MB21D2: variants seen among roughly 807,000 people sequenced by gnomAD.
The protein encoded by MB21D2 is nucleotidyltransferase MB21D2.
In MB21D2, 9 loss-of-function variants were observed where a neutral mutation model predicts 33.3. That is an observed-to-expected ratio of 0.27 (90% CI 0.16 to 0.47). MB21D2 has a LOEUF of 0.47. Ranked by LOEUF, MB21D2 falls within the 20% of genes least tolerant of loss-of-function variation. MB21D2 has a pLI of 0.99. For synonymous variants in MB21D2, 241 were observed against 236.3 expected, an observed-to-expected ratio of 1.02 and a Z score of -0.18; for missense variants, 540 against 624.6, an observed-to-expected ratio of 0.86 and a Z score of 1.44.
chr3:192,822,795 G>C (rs1018742229), intron 1 of MB21D2, among the ~76,000 whole-genome samples: 1 of 152,220 alleles, frequency 6.6e-6, no homozygotes, highest in African/African-American at 2.4e-5. Flanking sequence ...AAGAGGTACT[G>C]CTGGTAGTTA....
At chr3:192,891,794 G>C (rs1713858349) in intron 1 of MB21D2, among the ~76,000 whole-genome samples, 1 of 152,070 alleles carries the variant, frequency 6.6e-6, no homozygotes. Context: ...TTCAATAAAT[G>C]TCAGCTGTTA....
chr3:192,879,630 G>A (rs1363995119), intron 1 of MB21D2, among the ~76,000 whole-genome samples: 1 of 152,122 alleles, frequency 6.6e-6, no homozygotes, highest in East Asian at 1.9e-4. Context: ...AAGCAGGGAG[G>A]GGCAGAGAAG....
intron 1 of MB21D2, among the ~76,000 whole-genome samples, chr3:192,846,305 T>C (rs1712679149): frequency 6.6e-6 from 1 of 152,148 alleles, no homozygotes; most frequent in Admixed American, 6.5e-5. Context: ...ACAAGAGTAA[T>C]AACATTAAAA....
intron 1 of MB21D2, among the ~76,000 whole-genome samples, chr3:192,811,058 T>G (rs1299933686): frequency 6.6e-6 from 1 of 152,098 alleles, no homozygotes; most frequent in Admixed American, 6.5e-5. Context: ...GCATTCTCTC[T>G]CCAGCCACTG....
At chr3:192,877,518 A>G (rs2367129) in intron 1 of MB21D2, among the ~76,000 whole-genome samples, 1 of 152,072 alleles carries the variant, frequency 6.6e-6, no homozygotes, top group African/African-American at 2.4e-5. Context: ...CCCATCGCGT[A>G]TATCAACTCA....
intron 1 of MB21D2, among the ~76,000 whole-genome samples, chr3:192,902,767 T>C (rs1381012902): frequency 7.9e-5 from 12 of 152,184 alleles, no homozygotes; most frequent in Non-Finnish European, 2.9e-5. Context: ...TTCTTTCAGA[T>C]CCTGAGGAGG....
intron 1 of MB21D2, among the ~76,000 whole-genome samples, chr3:192,844,531 T>G (rs979344880): frequency 6.6e-6 from 1 of 152,146 alleles, no homozygotes; most frequent in African/African-American, 2.4e-5. Context: ...TGCAAAAGCT[T>G]AAAACGTAAT....
intron 1 of MB21D2, among the ~76,000 whole-genome samples, chr3:192,878,587 AAGC>A (rs1252631531): frequency 6.6e-6 from 1 of 152,176 alleles, no homozygotes; most frequent in Non-Finnish European, 1.5e-5. Flanking sequence ...GCATTTCTAT[AAGC>A]TAAGTCTTGC....
At chr3:192,825,508 AAT>A (rs1415661032) in intron 1 of MB21D2, among the ~76,000 whole-genome samples, 1 of 151,692 alleles carries the variant, frequency 6.6e-6, no homozygotes, top group Non-Finnish European at 1.5e-5. Flanking sequence ...AACATAAAAG[AAT>A]ATTAGGAAAA....
At chr3:192,812,349 G>GTGTAGT (rs1386309670) in intron 1 of MB21D2, among the ~76,000 whole-genome samples, 1 of 148,932 alleles carries the variant, frequency 6.7e-6, no homozygotes, top group Non-Finnish European at 1.5e-5. Flanking sequence ...ACTTTTTTTA[G>GTGTAGT]TGTAGTGTTT....
At chr3:192,830,234 G>A (rs1252926293) in intron 1 of MB21D2, among the ~76,000 whole-genome samples, 1 of 97,590 alleles carries the variant, frequency 1.0e-5, no homozygotes, top group Non-Finnish European at 1.9e-5. Context: ...AAAGATGAGT[G>A]TGTGTGAGTG....
At chr3:192,903,092 G>C (rs60508824) in intron 1 of MB21D2, among the ~76,000 whole-genome samples, 1 of 152,310 alleles carries the variant, frequency 6.6e-6, no homozygotes, top group African/African-American at 2.4e-5. Flanking sequence ...CAAACTACAA[G>C]GTGGCTTTGT....
At chr3:192,904,465 T>C (rs1714165095) in intron 1 of MB21D2, among the ~76,000 whole-genome samples, 1 of 152,222 alleles carries the variant, frequency 6.6e-6, no homozygotes, top group Non-Finnish European at 1.5e-5. Flanking sequence ...TGGAGATTTT[T>C]CATAAAAATC....
At chr3:192,887,117 T>A (rs997261839) in intron 1 of MB21D2, among the ~76,000 whole-genome samples, 2 of 152,146 alleles carry the variant, frequency 1.3e-5, no homozygotes, top group African/African-American at 4.8e-5. Flanking sequence ...CTGGGAAATG[T>A]GAACACTAAC....
intron 1 of MB21D2, among the ~76,000 whole-genome samples, chr3:192,872,305 G>C (rs146492035): frequency 1.3e-5 from 2 of 152,146 alleles, no homozygotes; most frequent in Non-Finnish European, 2.9e-5. Context: ...GGCCGGGCGC[G>C]GGGGCTCACA....
chr3:192,916,077 G>C (rs893179052), intron 1 of MB21D2, among the ~76,000 whole-genome samples: 1 of 145,262 alleles, frequency 6.9e-6, no homozygotes, highest in Non-Finnish European at 1.5e-5. Context: ...CTTCCCTGTG[G>C]AAGCTCACTC....
intron 1 of MB21D2, among the ~76,000 whole-genome samples, chr3:192,868,624 TA>T (rs1320287464): frequency 6.6e-6 from 1 of 152,070 alleles, no homozygotes; most frequent in Non-Finnish European, 1.5e-5. Flanking sequence ...AGTGGCAAAA[TA>T]AGGAATCATC....
rs1711754320 is a variant in MB21D2 at position 192,810,137 on chromosome 3, G to C, written c.212-10487C>G. On this transcript the variant is annotated intron_variant, in intron 1 of 1. Coordinates refer to ENST00000392452, the MANE Select transcript of MB21D2 (RefSeq NM_178496.4). Reference sequence around the variant, plus strand: ...TGGAAGAAAGTCTTTTCCCTTTACAGACACAGCAGTACCTATTACAGTCAC... The same window carrying C: ...TGGAAGAAAGTCTTTTCCCTTTACACACACAGCAGTACCTATTACAGTCAC... Among the ~76,000 whole-genome samples the C allele has an allele frequency of 2.6e-5, 4 of 152,098 alleles. No homozygotes were observed. In the South Asian group the frequency reaches 8.3e-4, roughly 32 times the overall value.
chr3:192,872,809 C>T (rs950850970), intron 1 of MB21D2, among the ~76,000 whole-genome samples: 1 of 152,084 alleles, frequency 6.6e-6, no homozygotes, highest in African/African-American at 2.4e-5. Flanking sequence ...GAGGTCCCCA[C>T]CCTATGTCTT....
Sources: gnomAD v4.1 joint callset for allele counts (sites outside exome capture counted in the v4.1 genomes callset) on GRCh38, gnomAD v4.1.1 for gene constraint, MANE v1.5 for transcripts, NCBI Gene and HGNC (gene_info 2026-07-23, HGNC 2026-07-21) for gene names.